The following GAB4 variants were observed in gnomAD, a reference collection of about 807,000 sequenced individuals.
GAB4 encodes the protein GRB2-associated-binding protein 4.
Under a neutral mutation model 51.3 loss-of-function variants are expected in GAB4, and 26 were observed. That is an observed-to-expected ratio of 0.51 (90% CI 0.37 to 0.70). GAB4 has a LOEUF of 0.70. GAB4 is among the 30% of genes least tolerant of loss of function. GAB4 has a pLI of 0.00. For synonymous variants in GAB4, 329 were observed against 291.2 expected (o/e 1.13, Z -1.32); for missense variants, 759 against 734.6 (o/e 1.03, Z -0.38).
chr22:16,977,768 C>CAAT (rs2060791664), intron 3 of GAB4, among the ~76,000 whole-genome samples: 1 of 152,134 alleles, frequency 6.6e-6, no homozygotes, highest in South Asian at 2.1e-4. Context: ...AAATTGACCA[C>CAAT]ATAATTGGAA....
intron 1 of GAB4, among the ~76,000 whole-genome samples, chr22:16,995,370 C>T (rs752040404): frequency 1.4e-4 from 21 of 152,232 alleles, no homozygotes; most frequent in Non-Finnish European, 2.4e-4. Context: ...CCTTCTGCAT[C>T]CATGTTGTGT....
rs2060915549 is a variant in GAB4 at position 16,991,739 on chromosome 22, C to T, written c.478+134G>A. ...TGGTATCGAGGTGTCTGAAGAAACACCAAAAATGCCTTTAGCTTCATCACG... is the reference window on the plus strand; with the variant it reads ...TGGTATCGAGGTGTCTGAAGAAACATCAAAAATGCCTTTAGCTTCATCACG... On this transcript the variant is annotated intron_variant, in intron 2 of 9. Transcript: ENST00000400588. The T allele has an allele frequency of 4.0e-6, 3 of 747,158 alleles. No homozygotes were observed. The South Asian group carries it at 5.2e-5, about 13-fold the overall frequency. The allele number at this position is 747,158 out of a possible 1,614,324, so 46.3% of individuals were successfully genotyped here. A position where few individuals can be genotyped will look rare whatever the true frequency, so the allele number is the denominator to read the frequency against.
intron 5 of GAB4, 74 bp from the exon 6 acceptor site, chr22:16,966,438 G>C: frequency 1.4e-6 from 2 of 1,466,814 alleles, no homozygotes; most frequent in Non-Finnish European, 1.8e-6. Context: ...TTCTAGACAA[G>C]GCCAAAAAGA....
At position 16,970,024 on chromosome 22, in the gene GAB4, T is replaced by C. The variant is rs1288682839; in HGVS notation, c.856A>G (p.Ser286Gly). ...AGGCTCCAGGGGATTCTGTGGGTGCTGCCTCTGAATTCTGCATTGTGCTGG... is the reference window on the plus strand; with the variant it reads ...AGGCTCCAGGGGATTCTGTGGGTGCCGCCTCTGAATTCTGCATTGTGCTGG... ...PSQHNAEFRG[S>G]THRIPWSLAS... Residue 286 changes from serine (S) to glycine (G), a missense_variant, in exon 4 of 10, where the codon AGC (serine) becomes GGC (glycine). Ser to Gly is a moderately conservative substitution (Grantham distance 56, BLOSUM62 0). Around this residue, in one of 3 missense-constraint regions of GAB4, gnomAD observed 588 missense variants for 510.2 expected, o/e 1.15. Coordinates refer to ENST00000400588, the MANE Select transcript of GAB4 (RefSeq NM_001037814.1). 6.2e-7 allele frequency: 1 copy of C among 1,614,188 alleles called. No homozygotes were observed. The highest frequency in any genetic ancestry group is 8.5e-7 in the Non-Finnish European group (1 of 1,180,028).
At chr22:16,989,478 T>C (rs957145596) in intron 2 of GAB4, among the ~76,000 whole-genome samples, 7 of 152,232 alleles carry the variant, frequency 4.6e-5, no homozygotes, top group African/African-American at 1.7e-4. Flanking sequence ...GTTCTGCCAG[T>C]GAGCAACAGA....
chr22:16,976,797 G>T (rs2060782382), intron 3 of GAB4, among the ~76,000 whole-genome samples: 1 of 152,192 alleles, frequency 6.6e-6, no homozygotes, highest in African/African-American at 2.4e-5. Context: ...ACAAAGGGCA[G>T]CCCATCAGAC....
At chr22:16,989,649 G>A (rs2060897627) in intron 2 of GAB4, among the ~76,000 whole-genome samples, 1 of 152,206 alleles carries the variant, frequency 6.6e-6, no homozygotes, top group Non-Finnish European at 1.5e-5. Flanking sequence ...ACCAGTGGAG[G>A]AGCAAGGGTC....
intron 3 of GAB4, among the ~76,000 whole-genome samples, chr22:16,984,221 A>G (rs75345814): frequency 0.022 from 3,364 of 152,348 alleles, 58 homozygotes; most frequent in Middle Eastern, 0.068. Flanking sequence ...ATCACTAGTC[A>G]TTACGAAAAT....
Position 16,992,127 on chromosome 22 carries a change from T to C in GAB4, c.224A>G (p.Asp75Gly). Reference sequence around the variant, plus strand: ...CTTGTAGTATTCCAGAACATCTGGGTCACTGCTAGTCTGGCCCCTCCGCAG... The same window carrying C: ...CTTGTAGTATTCCAGAACATCTGGGCCACTGCTAGTCTGGCCCCTCCGCAG... Reference protein sequence around the residue: ...FILRRGQTSSDPDVLEYYKND... With the variant: ...FILRRGQTSSGPDVLEYYKND... Residue 75 changes from aspartate (D) to glycine (G), a missense_variant, in exon 2 of 10, where the codon GAC becomes GGC. Transcript: ENST00000400588. The C allele has an allele frequency of 2.5e-6, 4 of 1,613,996 alleles. No individual in the cohort carries two copies. The South Asian group carries it at 3.3e-5, about 13-fold the overall frequency.
chr22:16,984,225 C>T lies in GAB4; in HGVS notation c.686+3735G>A, dbSNP rs570429342. Reference sequence around the variant, plus strand: ...AAATTATCAACATCACTAGTCATTACGAAAATGCAAATCAAAACCACATGA... The same window carrying T: ...AAATTATCAACATCACTAGTCATTATGAAAATGCAAATCAAAACCACATGA... On this transcript the variant is annotated intron_variant, in intron 3 of 9. Coordinates refer to ENST00000400588, the MANE Select transcript of GAB4 (RefSeq NM_001037814.1). Among the ~76,000 whole-genome samples, 52 of 152,010 alleles carry T rather than the reference C, an allele frequency of 3.4e-4. 1 individual carries two copies. The highest frequency in any genetic ancestry group is 3.9e-4 in the Admixed American group (6 of 15,270).
chr22:17,000,899 G>T (rs2060992098), intron 1 of GAB4, among the ~76,000 whole-genome samples: 1 of 152,132 alleles, frequency 6.6e-6, no homozygotes, highest in African/African-American at 2.4e-5. Flanking sequence ...CACTTATGAA[G>T]CTTAGTTTGG....
chr22:16,982,001 A>C (rs2060831054), intron 3 of GAB4, among the ~76,000 whole-genome samples: 1 of 152,214 alleles, frequency 6.6e-6, no homozygotes, highest in Non-Finnish European at 1.5e-5. Flanking sequence ...TATTTGATAA[A>C]ATGCTACATC....
At chr22:16,998,344 T>C (rs1373824016) in intron 1 of GAB4, among the ~76,000 whole-genome samples, 1 of 152,248 alleles carries the variant, frequency 6.6e-6, no homozygotes, top group East Asian at 1.9e-4. Context: ...GTAGTTCTCC[T>C]GGAAGAGGTC....
chr22:16,980,987 T>C (rs1362265172), intron 3 of GAB4, among the ~76,000 whole-genome samples: 1 of 151,802 alleles, frequency 6.6e-6, no homozygotes, highest in Non-Finnish European at 1.5e-5. Context: ...GAGGGAAACA[T>C]CACACATCGG....
At chr22:16,989,844 C>T (rs1428977208) in intron 2 of GAB4, among the ~76,000 whole-genome samples, 5 of 152,198 alleles carry the variant, frequency 3.3e-5, no homozygotes, top group Non-Finnish European at 7.3e-5. Flanking sequence ...ACCCTGACTC[C>T]GGATACCGCA....
intron 1 of GAB4, among the ~76,000 whole-genome samples, chr22:17,002,427 G>A (rs1364901352): frequency 6.6e-6 from 1 of 151,854 alleles, no homozygotes; most frequent in East Asian, 1.9e-4. Context: ...TGCCTTACAA[G>A]AGCTCCTGAG....
chr22:16,970,244 G>GC, intron 3 of GAB4, 51 bp from the exon 4 acceptor site: 1 of 1,598,700 alleles, frequency 6.3e-7, no homozygotes. Flanking sequence ...GGCCAGGACT[G>GC]CCCCAGGGAG....
rs371068993 is a variant in GAB4, at chr22:16,966,331, T to C, written c.1057A>G (p.Ile353Val). Residue 353 changes from isoleucine to valine, a missense_variant, in exon 6 of 10, where the codon ATT becomes GTT. By Grantham distance (29) the Ile-to-Val change is conservative. Coordinates refer to ENST00000400588, the MANE Select transcript of GAB4 (RefSeq NM_001037814.1). Reference protein sequence around the residue: ...GRTLVGLSDSIASEGSCVPMN... With the variant: ...GRTLVGLSDSVASEGSCVPMN... ...GGCACACAGCTGCCCTCAGAAGCAA[T>C]GCTGTCTGACAGGCCCACAAGCGTT... is the stretch of plus-strand genomic sequence containing the variant. 4.3e-6 allele frequency: 7 copies of C among 1,613,358 alleles called. No homozygotes were observed. The highest frequency in any genetic ancestry group is 2.7e-5 in the African/African-American group (2 of 74,896).
chr22:16,990,417 G>C (rs778572192), intron 2 of GAB4, among the ~76,000 whole-genome samples: 24 of 152,100 alleles, frequency 1.6e-4, no homozygotes, highest in Non-Finnish European at 2.2e-4. Context: ...ATCAAACAAA[G>C]GATGTAGTAT....
Sources: allele counts gnomAD v4.1 joint callset (sites outside exome capture counted in the v4.1 genomes callset), GRCh38; gene constraint gnomAD v4.1.1; regional missense constraint gnomAD v4.1.1; transcripts MANE v1.5; gene names NCBI Gene and HGNC (gene_info 2026-07-23, HGNC 2026-07-21).